ASIC5: variants seen among roughly 807,000 people sequenced by gnomAD.
The protein encoded by ASIC5 is bile acid-sensitive ion channel.
Under a neutral mutation model 51.2 loss-of-function variants are expected in ASIC5, and 52 were observed. The observed-to-expected ratio is 1.02, with a 90% CI of 0.81 to 1.28. ASIC5 has a LOEUF of 1.28. Ranked by LOEUF, ASIC5 falls within the 50% of genes most tolerant of loss-of-function variation. The probability of loss-of-function intolerance (pLI) is 0.00; values close to 1 mark genes in which losing one functional copy is unlikely to be tolerated. For missense variants in ASIC5, 635 were observed against 595.0 expected (o/e 1.07, Z -0.70); for synonymous variants, 231 against 200.7 (o/e 1.15, Z -1.28).
In ASIC5 at chr4:155,863,497, A is replaced by G. The variant is rs764439966; in HGVS notation, c.298T>C (p.Tyr100His). ...GCTGGGAACTCCATCTTTTCCACAT[A>G]TTGAACCTCAATGGACGTTGTGGTT... ...WPTTTSIEVQ[Y>H]VEKMEFPAVT... is the part of the protein sequence containing the mutation. Residue 100 changes from tyrosine (Y) to histidine (H), a missense_variant, in exon 2 of 10, where the codon TAT (tyrosine) becomes CAT (histidine). By Grantham distance (83) the Tyr-to-His change is moderately conservative. Transcript: ENST00000537611. 2.1e-5 allele frequency: 34 copies of G among 1,613,632 alleles called. No homozygotes were observed. The highest frequency in any genetic ancestry group is 1.6e-4 in the Middle Eastern group (1 of 6,078).
chr4:155,830,080 A>G, intron 9 of ASIC5, 34 bp from the exon 10 acceptor site: 1 of 1,400,660 alleles, frequency 7.1e-7, no homozygotes, highest in Non-Finnish European at 9.5e-7. Context: ...GAATGTCATT[A>G]TTTTTCATAA....
At chr4:155,859,035 G>T (rs939472659) in intron 2 of ASIC5, 4 of 151,946 alleles carry the variant, frequency 2.6e-5, no homozygotes, top group African/African-American at 9.7e-5. Context: ...GAGATTTTCT[G>T]TGAGAAAATT....
chr4:155,852,758 T>TG (rs905754470), intron 3 of ASIC5, among the ~76,000 whole-genome samples: 1 of 151,930 alleles, frequency 6.6e-6, no homozygotes, highest in African/African-American at 2.4e-5. Flanking sequence ...GAGGTGTGCA[T>TG]GGGACACAAG....
chr4:155,840,545 C>T (rs929277852), intron 6 of ASIC5, among the ~76,000 whole-genome samples: 9 of 149,076 alleles, frequency 6.0e-5, no homozygotes, highest in Admixed American at 4.7e-4. Flanking sequence ...AGAGATTTGA[C>T]CTAACTGACT....
intron 9 of ASIC5, 64 bp downstream of exon 9, chr4:155,831,760 C>A (rs1037181888): frequency 2.3e-5 from 25 of 1,102,676 alleles, no homozygotes; most frequent in Non-Finnish European, 3.2e-5. Flanking sequence ...GGCTACAGAG[C>A]GAGATTCTGT....
Position 155,854,423 on chromosome 4 carries a change from T to C in ASIC5, c.348-109A>G. ...TAGCTTCTTCTTATCTCCCACACTC[T>C]CCCTTATTTGCAAGACATTTAAGCA... is the stretch of plus-strand genomic sequence containing the variant. On this transcript the variant is annotated intron_variant, in intron 2 of 9. Coordinates refer to ENST00000537611, the MANE Select transcript of ASIC5 (RefSeq NM_017419.3). The C allele has an allele frequency of 4.9e-6, 4 of 820,786 alleles. No individual in the cohort carries two copies. In the South Asian group the frequency reaches 5.2e-5, roughly 11 times the overall value. The allele number at this position is 820,786 out of a possible 1,614,324, so 50.8% of individuals were successfully genotyped here. A position where few individuals can be genotyped will look rare whatever the true frequency, so the allele number is the denominator to read the frequency against.
intron 4 of ASIC5, among the ~76,000 whole-genome samples, chr4:155,851,413 C>T (rs947307607): frequency 6.6e-6 from 1 of 151,944 alleles, no homozygotes; most frequent in African/African-American, 2.4e-5. Flanking sequence ...GAGGTGAATG[C>T]AGGAACATCA....
intron 2 of ASIC5, among the ~76,000 whole-genome samples, chr4:155,862,120 GT>G (rs915018004): frequency 2.0e-5 from 3 of 152,122 alleles, no homozygotes; most frequent in Non-Finnish European, 2.9e-5. Flanking sequence ...TTTTATTTCA[GT>G]CAAGGATAAC....
chr4:155,861,597 G>A (rs1254930045), intron 2 of ASIC5, among the ~76,000 whole-genome samples: 2 of 151,768 alleles, frequency 1.3e-5, no homozygotes, highest in African/African-American at 4.8e-5. Context: ...ACATATAGCT[G>A]GATCTTTCTA....
rs746156985 is a variant in ASIC5 at position 155,852,304 on chromosome 4, CAT to C, written c.596_597del (p.His199ArgfsTer4). ...AAACAATTTCCATATTCAGTGAAGA[CAT>C]GTGCAAAATCCTCCAATATGTAAAT... Reference protein sequence around the residue: ...GKPCSPKDFAHVFTEYGNCFT... With the variant: ...GKPCSPKDFAXVFTEYGNCFT... On this transcript the variant is annotated frameshift_variant, in exon 4 of 10. Coordinates refer to ENST00000537611, the MANE Select transcript of ASIC5 (RefSeq NM_017419.3). LOFTEE classifies it high-confidence loss of function. 22 of 1,588,140 alleles carry C rather than the reference CAT, an allele frequency of 1.4e-5. No homozygotes were observed. In the Middle Eastern group the frequency reaches 5.0e-4, roughly 36 times the overall value.
intron 8 of ASIC5, among the ~76,000 whole-genome samples, chr4:155,833,249 T>C (rs895151832): frequency 2.0e-5 from 3 of 152,140 alleles, no homozygotes; most frequent in African/African-American, 7.2e-5. Flanking sequence ...CTGTCAGTGT[T>C]ATAAGATGAA....
At chr4:155,833,093 T>G (rs1740905605) in intron 8 of ASIC5, among the ~76,000 whole-genome samples, 1 of 152,184 alleles carries the variant, frequency 6.6e-6, no homozygotes, top group Non-Finnish European at 1.5e-5. Flanking sequence ...GCAGGATTTT[T>G]GTCTTTTATA....
chr4:155,844,360 T>G (rs770123449), intron 4 of ASIC5, among the ~76,000 whole-genome samples: 4 of 152,048 alleles, frequency 2.6e-5, no homozygotes, highest in Non-Finnish European at 5.9e-5. Flanking sequence ...GAGTTTCCAC[T>G]GCATCCACCA....
intron 4 of ASIC5, among the ~76,000 whole-genome samples, chr4:155,847,662 C>G (rs989003621): frequency 6.6e-6 from 1 of 152,022 alleles, no homozygotes; most frequent in African/African-American, 2.4e-5. Flanking sequence ...GCGGAAGTTG[C>G]AGTGAGCCAA....
chr4:155,847,504 T>C (rs966593079), intron 4 of ASIC5, among the ~76,000 whole-genome samples: 13 of 152,160 alleles, frequency 8.5e-5, no homozygotes, highest in Admixed American at 7.9e-4. Flanking sequence ...GTGGATCACC[T>C]GAGGTCAGGA....
At chr4:155,840,627 C>A (rs1741095089) in intron 6 of ASIC5, among the ~76,000 whole-genome samples, 1 of 151,764 alleles carries the variant, frequency 6.6e-6, no homozygotes, top group African/African-American at 2.4e-5. Context: ...TTGGGAGGAA[C>A]TTAGTTTATG....
chr4:155,860,929 C>T (rs1272731014), intron 2 of ASIC5, among the ~76,000 whole-genome samples: 1 of 151,796 alleles, frequency 6.6e-6, no homozygotes, highest in Admixed American at 6.6e-5. Context: ...TTAGCTGCAT[C>T]TCAAAAGTTT....
chr4:155,836,645 A>AC, intron 8 of ASIC5, 44 bp downstream of exon 8: 1 of 1,291,030 alleles, frequency 7.7e-7, no homozygotes, highest in Admixed American at 2.4e-5. Flanking sequence ...AAGAAAAAAA[A>AC]ATCTATGTTA....
At chr4:155,858,683 G>A (rs1396563653) in intron 2 of ASIC5, among the ~76,000 whole-genome samples, 5 of 151,890 alleles carry the variant, frequency 3.3e-5, no homozygotes, top group Non-Finnish European at 7.4e-5. Flanking sequence ...AGGGGAAAAA[G>A]GAAAGAACAA....
Sources: allele counts gnomAD v4.1 joint callset (sites outside exome capture counted in the v4.1 genomes callset), GRCh38; gene constraint gnomAD v4.1.1; transcripts MANE v1.5; gene names NCBI Gene and HGNC (gene_info 2026-07-23, HGNC 2026-07-21).